Variants in ENPP1 observed in about 807,000 individuals in gnomAD.
ENPP1 encodes the protein ectonucleotide pyrophosphatase/phosphodiesterase family member 1.
Under a neutral mutation model 122.8 loss-of-function variants are expected in ENPP1, and 73 were observed. The ratio of observed to expected loss-of-function variants is 0.59; its 90% confidence interval spans 0.49 to 0.72. ENPP1 has a LOEUF of 0.72. Among genes scored for constraint, ENPP1 ranks in the 30% least tolerant of loss-of-function variants. The pLI, the probability that ENPP1 is intolerant of heterozygous loss-of-function variation, is 0.00. For missense variants in ENPP1, 978 were observed against 1,128.1 expected, an observed-to-expected ratio of 0.87 and a Z score of 1.91; for synonymous variants, 367 against 391.6, an observed-to-expected ratio of 0.94 and a Z score of 0.74.
At chr6:131,865,417 T>C (rs948123434) in intron 11 of ENPP1, among the ~76,000 whole-genome samples, 12 of 152,164 alleles carry the variant, frequency 7.9e-5, no homozygotes, top group African/African-American at 2.2e-4. Flanking sequence ...AGTGTAGCGA[T>C]ATTTGAATAC....
intron 1 of ENPP1, among the ~76,000 whole-genome samples, chr6:131,815,850 G>C (rs550561920): frequency 1.3e-5 from 2 of 149,996 alleles, no homozygotes; most frequent in Non-Finnish European, 3.0e-5. Flanking sequence ...GATTACAGGC[G>C]CACACCACCA....
rs186489810 is a variant in ENPP1, at chr6:131,881,563, C to A, written c.2101-782C>A. Among the ~76,000 whole-genome samples the A allele has an allele frequency of 3.9e-5, 6 of 152,232 alleles. No homozygotes were observed. In the East Asian group the frequency reaches 1.2e-3, roughly 29 times the overall value. On this transcript the variant is annotated intron_variant, in intron 20 of 24. Transcript: ENST00000647893. Reference sequence around the variant, plus strand: ...TTGACTATGGAAGATAGACTCAGATCTCTAAAAATCAACATTTTACTATAT... The same window carrying A: ...TTGACTATGGAAGATAGACTCAGATATCTAAAAATCAACATTTTACTATAT...
intron 17 of ENPP1, 71 bp from the exon 18 acceptor site, chr6:131,876,921 A>T (rs1782236012): frequency 1.4e-6 from 2 of 1,450,156 alleles, no homozygotes; most frequent in Non-Finnish European, 1.9e-6. Flanking sequence ...AAAAGTAAAG[A>T]TCATGGCACA....
chr6:131,844,742 A>AT (rs1781784423), intron 1 of ENPP1, among the ~76,000 whole-genome samples: 1 of 152,192 alleles, frequency 6.6e-6, no homozygotes, highest in Non-Finnish European at 1.5e-5. Context: ...GTGAAGCTGA[A>AT]TTTTTTGACA....
intron 8 of ENPP1, 79 bp from the exon 9 acceptor site, chr6:131,861,516 T>C: frequency 1.1e-6 from 1 of 885,222 alleles, no homozygotes; most frequent in Non-Finnish European, 1.9e-6. Flanking sequence ...AGGAATGCAT[T>C]GGTGTGGTAT....
intron 1 of ENPP1, 149 bp downstream of exon 1, chr6:131,808,424 C>T (rs1781309049): frequency 4.5e-6 from 5 of 1,100,828 alleles, no homozygotes; most frequent in Admixed American, 4.1e-5. Flanking sequence ...CTCTCCTCCG[C>T]AGCCTTTGCA....
At chr6:131,847,024 T>A (rs975100482) in intron 1 of ENPP1, among the ~76,000 whole-genome samples, 36 of 152,296 alleles carry the variant, frequency 2.4e-4, no homozygotes, top group Admixed American at 7.2e-4. Context: ...AATAAACTGG[T>A]ATCTAGAAAG....
chr6:131,858,878 G>C (rs1781982372), intron 7 of ENPP1, 131 bp downstream of exon 7: 1 of 734,336 alleles, frequency 1.4e-6, no homozygotes, highest in African/African-American at 1.8e-5. Flanking sequence ...AGGAAACCCA[G>C]GTTCTGATCT....
At position 131,895,009 on chromosome 6, in the gene ENPP1, A is replaced by G. The variant is rs1782528161; in HGVS notation, c.*4498A>G. On this transcript the variant is annotated 3_prime_UTR_variant, in exon 25 of 25. Transcript: ENST00000647893. The stretch of plus-strand genomic sequence containing the variant: ...TGAGTGCTTTCATAAGCATTAAGTA[A>G]AATTTTATAATGACTGCAGTCCAAG... 1 of 152,274 alleles carries G rather than the reference A, an allele frequency of 6.6e-6. No homozygotes were observed. Among genetic ancestry groups the G allele is most frequent in the African/African-American group, 2.4e-5 (1 of 41,474 alleles). The allele number at this position is 152,274 out of a possible 1,614,324, so 9.4% of individuals were successfully genotyped here.
chr6:131,864,640 A>C, intron 10 of ENPP1, 69 bp downstream of exon 10: 2 of 1,126,446 alleles, frequency 1.8e-6, no homozygotes, highest in South Asian at 1.3e-5. Context: ...TTTAAAATAG[A>C]CTACAACAAA....
At chr6:131,837,108 T>C (rs1781683399) in intron 1 of ENPP1, among the ~76,000 whole-genome samples, 1 of 151,928 alleles carries the variant, frequency 6.6e-6, no homozygotes. Flanking sequence ...GGTTTGGTAA[T>C]AAATGACCTT....
chr6:131,823,076 G>T (rs1781501997), intron 1 of ENPP1, among the ~76,000 whole-genome samples: 1 of 152,146 alleles, frequency 6.6e-6, no homozygotes, highest in Admixed American at 6.5e-5. Flanking sequence ...TCCATTCGTA[G>T]CAGTGCTGAG....
intron 1 of ENPP1, among the ~76,000 whole-genome samples, chr6:131,817,349 G>A (rs991756322): frequency 1.3e-5 from 2 of 152,150 alleles, no homozygotes; most frequent in African/African-American, 4.8e-5. Flanking sequence ...GTGTGGTGAT[G>A]CTAAAGCTTG....
intron 1 of ENPP1, among the ~76,000 whole-genome samples, chr6:131,822,042 A>G (rs1363591270): frequency 1.3e-5 from 2 of 152,222 alleles, no homozygotes; most frequent in Admixed American, 1.3e-4. Flanking sequence ...AGTGTGGTTT[A>G]GGAGCATTAT....
chr6:131,842,185 T>C lies in ENPP1; in HGVS notation c.241-5591T>C, dbSNP rs73537701. On this transcript the variant is annotated intron_variant, in intron 1 of 24. Transcript: ENST00000647893. ...AATCGTAATCTGTCTTGTGATGTTA[T>C]AGTTTGGATTAAATGATTTAATATA... is the stretch of plus-strand genomic sequence containing the variant. Among the ~76,000 whole-genome samples the C allele has an allele frequency of 1.8e-3, 276 of 152,334 alleles. 1 individual carries two copies. Among genetic ancestry groups the C allele is most frequent in the African/African-American group, 6.2e-3 (259 of 41,568 alleles).
At chr6:131,848,552 A>G (rs913106390) in intron 2 of ENPP1, among the ~76,000 whole-genome samples, 1 of 152,164 alleles carries the variant, frequency 6.6e-6, no homozygotes, top group Non-Finnish European at 1.5e-5. Flanking sequence ...TTATTAAGCT[A>G]TCATGTACTG....
chr6:131,885,725 C>T (rs893679440), intron 23 of ENPP1, among the ~76,000 whole-genome samples: 1 of 152,304 alleles, frequency 6.6e-6, no homozygotes, highest in African/African-American at 2.4e-5. Context: ...TTCCTACTCT[C>T]CCAGGCTGAC....
At chr6:131,852,311 T>C (rs1277053386) in intron 5 of ENPP1, 76 bp downstream of exon 5, 5 of 885,870 alleles carry the variant, frequency 5.6e-6, no homozygotes, top group South Asian at 2.8e-5. Context: ...CAAATTAAGA[T>C]GATAAAAATA....
intron 13 of ENPP1, 82 bp downstream of exon 13, chr6:131,869,571 G>A (rs756722496): frequency 4.9e-5 from 72 of 1,454,678 alleles, no homozygotes; most frequent in Non-Finnish European, 1.3e-5. Context: ...GCTCATGCCT[G>A]TAATCGCAGC....
Sources: gnomAD v4.1 joint callset for allele counts (sites outside exome capture counted in the v4.1 genomes callset) on GRCh38, gnomAD v4.1.1 for gene constraint, MANE v1.5 for transcripts, NCBI Gene and HGNC (gene_info 2026-07-23, HGNC 2026-07-21) for gene names.